Variants in DOCK1 observed in about 807,000 individuals in gnomAD.
DOCK1 encodes the protein dedicator of cytokinesis 1, also known as dedicator of cytokinesis protein 1.
Under a neutral mutation model 262.7 loss-of-function variants are expected in DOCK1, and 138 were observed. The observed-to-expected ratio is 0.53, with a 90% CI of 0.46 to 0.61. The LOEUF (loss-of-function observed/expected upper bound fraction) is 0.61, where lower values mean the gene tolerates loss of function less well. Among genes scored for constraint, DOCK1 ranks in the 20% least tolerant of loss-of-function variants. DOCK1 has a pLI of 0.00. For synonymous variants in DOCK1, 866 were observed against 867.4 expected (o/e 1.00, Z 0.03); for missense variants, 1,908 against 2,370.7 (o/e 0.80, Z 4.05).
chr10:127,175,315 G>A lies in DOCK1; in HGVS notation c.2847+47551G>A. 1.9e-6 allele frequency: 3 copies of A among 1,614,128 alleles called. No homozygotes were observed. The highest frequency in any genetic ancestry group is 2.5e-6 in the Non-Finnish European group (3 of 1,180,046). ...ATCAAGTTCTCCATCATCTGAAGTTGTGCTTTGAGGTCGACCACTTCCGTA... is the reference window on the plus strand; with the variant it reads ...ATCAAGTTCTCCATCATCTGAAGTTATGCTTTGAGGTCGACCACTTCCGTA... On this transcript the variant is annotated intron_variant, in intron 27 of 51. Transcript: ENST00000623213. The surrounding 1 kb of genome is among the most constrained non-coding windows in gnomAD (Gnocchi z 6.3).
chr10:126,911,501 G>A (rs1006841639), intron 1 of DOCK1, among the ~76,000 whole-genome samples: 5 of 152,186 alleles, frequency 3.3e-5, no homozygotes, highest in African/African-American at 7.2e-5. Flanking sequence ...TTAACACCAG[G>A]TGGTCGCTTG....
chr10:127,320,848 T>C (rs936182260), intron 29 of DOCK1, among the ~76,000 whole-genome samples: 6 of 152,062 alleles, frequency 3.9e-5, no homozygotes, highest in Non-Finnish European at 7.4e-5. Flanking sequence ...GCCTTCCTTG[T>C]CGATTGTCCC....
intron 14 of DOCK1, among the ~76,000 whole-genome samples, chr10:127,024,216 T>C (rs4387272): frequency 0.4 from 60,797 of 151,894 alleles, 12,404 homozygotes; most frequent in African/African-American, 0.47. Context: ...GGGTGAACTC[T>C]GTCCAGCATC....
intron 23 of DOCK1, among the ~76,000 whole-genome samples, chr10:127,092,559 C>CT (rs960067644): frequency 2.5e-4 from 37 of 149,828 alleles, no homozygotes; most frequent in African/African-American, 4.4e-4. Context: ...TCTAGGCATT[C>CT]TTTTTTTTTT....
chr10:127,092,808 A>G (rs1325140197), intron 23 of DOCK1, among the ~76,000 whole-genome samples: 1 of 152,162 alleles, frequency 6.6e-6, no homozygotes, highest in Non-Finnish European at 1.5e-5. Flanking sequence ...TACAATTTAC[A>G]AAGGTATTGG....
In DOCK1 at chr10:127,176,309, T is replaced by C; in HGVS notation, c.2847+48545T>C. ...TCTGCCGGTTGGGGTCCAGGGCGTA[T>C]TTCATCTCCAGGGCCAGGCAGGCGG... On this transcript the variant is annotated intron_variant, in intron 27 of 51. Transcript: ENST00000623213. The surrounding 1 kb of genome is among the most constrained non-coding windows in gnomAD (Gnocchi z 4.4). 3 of 1,614,052 alleles carry C rather than the reference T, an allele frequency of 1.9e-6. No individual in the cohort carries two copies. Among genetic ancestry groups the C allele is most frequent in the Non-Finnish European group, 2.5e-6 (3 of 1,180,022 alleles).
chr10:127,006,216 A>T (rs2041008221), intron 10 of DOCK1, among the ~76,000 whole-genome samples: 1 of 152,060 alleles, frequency 6.6e-6, no homozygotes, highest in Admixed American at 6.5e-5. Flanking sequence ...CACCAGTGGG[A>T]CTGAGCCATC....
chr10:127,125,626 G>A (rs367629508), intron 26 of DOCK1, 25 bp downstream of exon 26: 74 of 1,601,900 alleles, frequency 4.6e-5, no homozygotes, highest in Admixed American at 1.0e-4. Flanking sequence ...TGTGCGTGAC[G>A]TCCTGCCATT....
chr10:127,036,531 G>T (rs1204233789), intron 18 of DOCK1, among the ~76,000 whole-genome samples: 2 of 151,974 alleles, frequency 1.3e-5, no homozygotes, highest in Non-Finnish European at 2.9e-5. Flanking sequence ...TTCTGTAGCT[G>T]AAGTTGGTTC....
chr10:127,309,655 T>C (rs2061993354), intron 29 of DOCK1, among the ~76,000 whole-genome samples: 1 of 152,196 alleles, frequency 6.6e-6, no homozygotes, highest in East Asian at 1.9e-4. Context: ...GTTTTCTGCA[T>C]ATGGCTAGCC....
At chr10:127,174,038 C>T (rs7898602) in intron 27 of DOCK1, among the ~76,000 whole-genome samples, 11,707 of 152,242 alleles carry the variant, frequency 0.077, 1,269 homozygotes, top group African/African-American at 0.24. Flanking sequence ...CACCTTAAGG[C>T]AGGAGGTGTT....
At chr10:127,145,180 C>T (rs558565926) in intron 27 of DOCK1, among the ~76,000 whole-genome samples, 1 of 152,212 alleles carries the variant, frequency 6.6e-6, no homozygotes, top group South Asian at 2.1e-4. Flanking sequence ...GTGCCTGGGT[C>T]TGAGGGCAGG....
chr10:127,345,026 T>C (rs1385979529), intron 31 of DOCK1, among the ~76,000 whole-genome samples: 1 of 152,232 alleles, frequency 6.6e-6, no homozygotes, highest in Non-Finnish European at 1.5e-5. Flanking sequence ...ACATGGTACA[T>C]TACAAACATG....
chr10:127,049,382 G>C (rs539199705), intron 21 of DOCK1, among the ~76,000 whole-genome samples: 52 of 152,168 alleles, frequency 3.4e-4, no homozygotes, highest in African/African-American at 1.2e-3. Context: ...TTCGCCAAGT[G>C]TGGTGGTGGG....
chr10:126,906,346 C>G (rs1038231646), intron 1 of DOCK1, among the ~76,000 whole-genome samples: 1 of 152,172 alleles, frequency 6.6e-6, no homozygotes, highest in African/African-American at 2.4e-5. Flanking sequence ...CGGGCCCGTC[C>G]GCGTGGGACC....
intron 10 of DOCK1, among the ~76,000 whole-genome samples, chr10:127,006,546 C>A (rs962961216): frequency 3.3e-5 from 5 of 152,218 alleles, no homozygotes; most frequent in Non-Finnish European, 7.3e-5. Flanking sequence ...CTGCAGGGAG[C>A]ACTCCCTCTG....
chr10:127,208,029 G>C (rs545776326), intron 27 of DOCK1, among the ~76,000 whole-genome samples: 1 of 152,170 alleles, frequency 6.6e-6, no homozygotes, highest in Non-Finnish European at 1.5e-5. Context: ...CCTCCTCTGC[G>C]ATTTGGGCAG....
At chr10:127,423,986 G>A (rs1001905591) in intron 46 of DOCK1, among the ~76,000 whole-genome samples, 7 of 152,294 alleles carry the variant, frequency 4.6e-5, no homozygotes, top group South Asian at 2.1e-4. Context: ...CTGGAGGTGG[G>A]GTTCAGGAAT....
At chr10:127,195,241 C>T (rs1365644217) in intron 27 of DOCK1, among the ~76,000 whole-genome samples, 1 of 152,206 alleles carries the variant, frequency 6.6e-6, no homozygotes, top group African/African-American at 2.4e-5. Flanking sequence ...AGGAGCTGCC[C>T]CGACCCCGGG....
Sources: gnomAD v4.1 joint callset for allele counts (sites outside exome capture counted in the v4.1 genomes callset) on GRCh38, gnomAD v4.1.1 for gene constraint, Gnocchi (gnomAD v3.1) non-coding constraint, MANE v1.5 for transcripts, NCBI Gene and HGNC (gene_info 2026-07-23, HGNC 2026-07-21) for gene names.